The following REC114 variants were observed in gnomAD, a reference collection of about 807,000 sequenced individuals.
The protein encoded by REC114 is meiotic recombination protein REC114.
REC114 carries 27 observed loss-of-function variants against 31.3 expected under a neutral mutation model. The ratio of observed to expected loss-of-function variants is 0.86; its 90% confidence interval spans 0.64 to 1.19. The LOEUF is 1.19. Ranked by LOEUF, REC114 falls within the 50% of genes most tolerant of loss-of-function variation. REC114 has a pLI of 0.00. For synonymous variants in REC114, 134 were observed against 127.7 expected (o/e 1.05, Z -0.33); for missense variants, 344 against 326.9 (o/e 1.05, Z -0.40).
intron 1 of REC114, among the ~76,000 whole-genome samples, chr15:73,468,286 T>C (rs1021052773): frequency 2.0e-5 from 3 of 152,204 alleles, no homozygotes; most frequent in Admixed American, 6.5e-5. Context: ...CTCTCAATTT[T>C]CAATGTGCTG....
intron 1 of REC114, among the ~76,000 whole-genome samples, chr15:73,462,131 C>T (rs560343283): frequency 6.6e-6 from 1 of 151,680 alleles, no homozygotes; most frequent in South Asian, 2.1e-4. Context: ...GGGGTTTCAC[C>T]ATCTTGGCCA....
intron 1 of REC114, among the ~76,000 whole-genome samples, chr15:73,463,028 C>T (rs1044913776): frequency 1.3e-5 from 2 of 151,940 alleles, no homozygotes; most frequent in Non-Finnish European, 2.9e-5. Flanking sequence ...GTTCATATCT[C>T]TAAAAGAAAA....
chr15:73,490,649 C>T (rs1416693828), intron 2 of REC114, among the ~76,000 whole-genome samples: 5 of 152,082 alleles, frequency 3.3e-5, no homozygotes, highest in Non-Finnish European at 5.9e-5. Flanking sequence ...GAGCCCTGGT[C>T]GCACCACTGT....
intron 2 of REC114, among the ~76,000 whole-genome samples, chr15:73,496,879 T>C (rs1371169152): frequency 6.6e-6 from 1 of 152,078 alleles, no homozygotes; most frequent in Non-Finnish European, 1.5e-5. Context: ...TGCATTTAGT[T>C]TTTATGTCTT....
chr15:73,472,328 A>G (rs1448289489), intron 1 of REC114, among the ~76,000 whole-genome samples: 3 of 152,202 alleles, frequency 2.0e-5, no homozygotes, highest in Non-Finnish European at 4.4e-5. Context: ...AAGAGGGAGA[A>G]TTACAACCAC....
intron 2 of REC114, among the ~76,000 whole-genome samples, chr15:73,538,408 G>A (rs1894189029): frequency 6.7e-6 from 1 of 150,270 alleles, no homozygotes; most frequent in African/African-American, 2.4e-5. Flanking sequence ...TTTTTTAAAA[G>A]TGATACTAGA....
intron 1 of REC114, among the ~76,000 whole-genome samples, chr15:73,458,831 T>C (rs770228361): frequency 1.3e-5 from 2 of 152,220 alleles, no homozygotes; most frequent in Admixed American, 6.5e-5. Context: ...CACGGGCAGC[T>C]GGTATATATG....
chr15:73,514,210 G>A (rs941049786), intron 2 of REC114, among the ~76,000 whole-genome samples: 3 of 151,312 alleles, frequency 2.0e-5, no homozygotes, highest in Non-Finnish European at 2.9e-5. Flanking sequence ...CGATTTTCCA[G>A]GTGCGTCCGT....
In REC114 at chr15:73,559,848, CAGA is replaced by C. The variant is rs770448280; in HGVS notation, c.735_737del (p.Gln245_Asn246delinsHis). The C allele has an allele frequency of 6.2e-7, 1 of 1,611,998 alleles. No individual in the cohort carries two copies. The highest frequency in any genetic ancestry group is 1.3e-5 in the African/African-American group (1 of 74,742). On this transcript the variant is annotated inframe_deletion, in exon 6 of 6. Transcript: ENST00000331090. ...CTTCCTACGTTTGTGCCTTATGGAT[CAGA>C]ATTTCCCAGCATTTGTGGAAGAGGT...
At chr15:73,518,374 C>T (rs1427000132) in intron 2 of REC114, among the ~76,000 whole-genome samples, 1 of 152,190 alleles carries the variant, frequency 6.6e-6, no homozygotes, top group African/African-American at 2.4e-5. Flanking sequence ...CTCTCAGCTC[C>T]GTTTTCCTCT....
rs753968018 is a variant in REC114, at chr15:73,539,282, A to ATTTTTTTTTTTTTTTTTTT, written c.250-1195_250-1177dup. ...GCTTAGAGGTAGCATTTCAGAACTG[A>ATTTTTTTTTTTTTTTTTTT]TTTTTTTTTTTTTTTTTTTTTTTTT... is the stretch of plus-strand genomic sequence containing the variant. On this transcript the variant is annotated intron_variant, in intron 2 of 5. Coordinates refer to ENST00000331090, the MANE Select transcript of REC114 (RefSeq NM_001042367.2). Among the ~76,000 whole-genome samples the ATTTTTTTTTTTTTTTTTTT allele has an allele frequency of 5.6e-5, 4 of 70,814 alleles. 1 individual carries two copies. Among genetic ancestry groups the ATTTTTTTTTTTTTTTTTTT allele is most frequent in the African/African-American group, 2.6e-4 (4 of 15,120 alleles). 46.5% of individuals were successfully genotyped at this position (70,814 alleles called of 152,430 possible). A position where few individuals can be genotyped will look rare whatever the true frequency, so the allele number is the denominator to read the frequency against.
At chr15:73,509,717 G>C (rs1893735061) in intron 2 of REC114, among the ~76,000 whole-genome samples, 1 of 144,442 alleles carries the variant, frequency 6.9e-6, no homozygotes, top group Non-Finnish European at 1.5e-5. Context: ...CCCATTGCTT[G>C]TTTTTCTCAG....
chr15:73,559,934 T>TAAC lies in REC114; in HGVS notation c.*19_*21dup. The TAAC allele has an allele frequency of 1.3e-6, 2 of 1,560,996 alleles. No homozygotes were observed. Among genetic ancestry groups the TAAC allele is most frequent in the Non-Finnish European group, 1.7e-6 (2 of 1,163,142 alleles). Reference sequence around the variant, plus strand: ...GAAATTAATGCTCTATATACATATATAACTAAGGAACTTCAAAGTATTGAA... The same window carrying TAAC: ...GAAATTAATGCTCTATATACATATATAACAACTAAGGAACTTCAAAGTATTGAA... On this transcript the variant is annotated 3_prime_UTR_variant, in exon 6 of 6. Transcript: ENST00000331090.
At chr15:73,494,500 A>C (rs930113026) in intron 2 of REC114, among the ~76,000 whole-genome samples, 17 of 152,080 alleles carry the variant, frequency 1.1e-4, no homozygotes, top group African/African-American at 4.1e-4. Context: ...TCAAAAAAAA[A>C]AAAAAAAAAT....
intron 2 of REC114, among the ~76,000 whole-genome samples, chr15:73,488,152 G>A (rs1893398402): frequency 6.6e-6 from 1 of 152,170 alleles, no homozygotes. Context: ...GGCACTCTGG[G>A]GCCCTCCCTT....
At chr15:73,501,595 C>T (rs1176814285) in intron 2 of REC114, among the ~76,000 whole-genome samples, 1 of 152,128 alleles carries the variant, frequency 6.6e-6, no homozygotes, top group Non-Finnish European at 1.5e-5. Flanking sequence ...CAGGTATGTG[C>T]CACCACACCC....
chr15:73,477,095 G>C (rs1893225030), intron 2 of REC114, among the ~76,000 whole-genome samples: 1 of 152,036 alleles, frequency 6.6e-6, no homozygotes, highest in Non-Finnish European at 1.5e-5. Context: ...GTTTTAATTT[G>C]CATTTCTTTA....
In REC114 at chr15:73,524,728, G is replaced by A. The variant is rs946934150; in HGVS notation, c.250-15757G>A. On this transcript the variant is annotated intron_variant, in intron 2 of 5. Transcript: ENST00000331090. ...TTCTTGTGCCTCAGCCTCCTGAGTAGCTGGGACTACAGGCACCCACCACCA... is the reference window on the plus strand; with the variant it reads ...TTCTTGTGCCTCAGCCTCCTGAGTAACTGGGACTACAGGCACCCACCACCA... 5.3e-4 allele frequency among the ~76,000 whole-genome samples: 80 copies of A among 152,182 alleles called. 1 individual carries two copies. The highest frequency in any genetic ancestry group is 1.7e-3 in the African/African-American group (72 of 41,516).
At chr15:73,549,330 G>A (rs1894356727) in intron 3 of REC114, among the ~76,000 whole-genome samples, 1 of 152,180 alleles carries the variant, frequency 6.6e-6, no homozygotes, top group South Asian at 2.1e-4. Context: ...TTGAACTCGT[G>A]GAGATAAAGA....
Sources: gnomAD v4.1 joint callset for allele counts (sites outside exome capture counted in the v4.1 genomes callset) on GRCh38, gnomAD v4.1.1 for gene constraint, MANE v1.5 for transcripts, NCBI Gene and HGNC (gene_info 2026-07-23, HGNC 2026-07-21) for gene names.